The following MAML2 variants were observed in gnomAD, a reference collection of about 807,000 sequenced individuals.
The protein encoded by MAML2 is mastermind-like protein 2.
Under a neutral mutation model 96.1 loss-of-function variants are expected in MAML2, and 22 were observed. The ratio of observed to expected loss-of-function variants is 0.23; its 90% CI spans 0.16 to 0.33. The LOEUF (loss-of-function observed/expected upper bound fraction) is 0.33. Ranked by LOEUF, MAML2 falls within the 10% of genes least tolerant of loss-of-function variation. The pLI is 1.00. For synonymous variants in MAML2, 561 were observed against 521.3 expected (o/e 1.08, Z -1.04); for missense variants, 1,367 against 1,392.4 (o/e 0.98, Z 0.29).
At chr11:96,027,892 C>T (rs543171388) in intron 2 of MAML2, among the ~76,000 whole-genome samples, 3 of 152,028 alleles carry the variant, frequency 2.0e-5, no homozygotes, top group East Asian at 1.9e-4. Context: ...TTACTGTGCC[C>T]GGCTCATTTT....
intron 1 of MAML2, among the ~76,000 whole-genome samples, chr11:96,295,260 A>T (rs371370745): frequency 7.2e-5 from 11 of 152,128 alleles, no homozygotes; most frequent in African/African-American, 2.4e-4. Flanking sequence ...AAGAGTAATT[A>T]AAAAAAACCA....
intron 1 of MAML2, among the ~76,000 whole-genome samples, chr11:96,222,440 C>T (rs1331155476): frequency 5.3e-5 from 8 of 152,134 alleles, no homozygotes; most frequent in African/African-American, 1.9e-4. Flanking sequence ...TCTTTTGAGG[C>T]TGGATTGTGA....
chr11:96,342,625 A>C lies in MAML2; in HGVS notation c.-730T>G. On this transcript the variant is annotated 5_prime_UTR_variant, in exon 1 of 5. Transcript: ENST00000524717. ...GTAGGATGTTGTCTTCTCCCAAAAG[A>C]GGGAGACAGCTTTTCAACTGTTAAC... is the stretch of plus-strand genomic sequence containing the variant. 1 of 390,010 alleles carries C rather than the reference A, an allele frequency of 2.6e-6. No individual in the cohort carries two copies. The highest frequency in any genetic ancestry group is 4.5e-6 in the Non-Finnish European group (1 of 221,198). The allele number at this position is 390,010 out of a possible 1,614,324, so 24.2% of individuals were successfully genotyped here. A position where few individuals can be genotyped will look rare whatever the true frequency, so the allele number is the denominator to read the frequency against.
At chr11:96,149,464 G>A (rs1255964413) in intron 1 of MAML2, among the ~76,000 whole-genome samples, 2 of 149,232 alleles carry the variant, frequency 1.3e-5, no homozygotes, top group African/African-American at 5.0e-5. Flanking sequence ...AGGCGCAGTG[G>A]CTCATGCCTG....
chr11:96,105,818 TG>T, intron 1 of MAML2, among the ~76,000 whole-genome samples: 1 of 151,948 alleles, frequency 6.6e-6, no homozygotes, highest in Non-Finnish European at 1.5e-5. Flanking sequence ...AAGGGGAAAT[TG>T]CCTAACTAGC....
chr11:96,296,458 A>G (rs1863301515), intron 1 of MAML2, among the ~76,000 whole-genome samples: 1 of 152,166 alleles, frequency 6.6e-6, no homozygotes, highest in African/African-American at 2.4e-5. Flanking sequence ...CCTGACCAAC[A>G]TGGTGAAACT....
intron 1 of MAML2, among the ~76,000 whole-genome samples, chr11:96,298,900 C>T (rs1863340140): frequency 6.8e-6 from 1 of 146,722 alleles, no homozygotes; most frequent in Non-Finnish European, 1.5e-5. Flanking sequence ...AAAAAATTAG[C>T]TGAGCGTGGT....
intron 2 of MAML2, among the ~76,000 whole-genome samples, chr11:96,070,203 T>C (rs190594888): frequency 6.6e-6 from 1 of 151,992 alleles, no homozygotes; most frequent in African/African-American, 2.4e-5. Context: ...GGCAGGAGAA[T>C]GGCGTGAACC....
At position 96,184,439 on chromosome 11, in the gene MAML2, C is replaced by CAAATAAAT. The variant is rs139760069; in HGVS notation, c.514-90930_514-90923dup. Among the ~76,000 whole-genome samples, 133 of 145,276 alleles carry CAAATAAAT rather than the reference C, an allele frequency of 9.2e-4. 1 individual carries two copies. The highest frequency in any genetic ancestry group is 8.9e-3 in the East Asian group (44 of 4,926). ...TGGGTGACAGAGCGAGACTCCATCT[C>CAAATAAAT]AAATAAATAAATAAATAAATAAATA... On this transcript the variant is annotated intron_variant, in intron 1 of 4. Transcript: ENST00000524717.
chr11:96,239,841 C>A (rs1862409495), intron 1 of MAML2, among the ~76,000 whole-genome samples: 2 of 152,196 alleles, frequency 1.3e-5, no homozygotes, highest in Admixed American at 1.3e-4. Context: ...CCCCCTGACC[C>A]CTTTCTCCCA....
chr11:96,173,703 A>G (rs1861338218), intron 1 of MAML2, among the ~76,000 whole-genome samples: 1 of 152,230 alleles, frequency 6.6e-6, no homozygotes, highest in Non-Finnish European at 1.5e-5. Context: ...GCGATGGCAG[A>G]GGCCACAGGG....
chr11:95,981,423 T>C (rs1857734858), intron 4 of MAML2, among the ~76,000 whole-genome samples: 1 of 152,182 alleles, frequency 6.6e-6, no homozygotes, highest in African/African-American at 2.4e-5. Context: ...AGTCAGAGAT[T>C]CTGAGAAATA....
chr11:96,216,714 C>G (rs534443424), intron 1 of MAML2, among the ~76,000 whole-genome samples: 1 of 152,126 alleles, frequency 6.6e-6, no homozygotes, highest in Non-Finnish European at 1.5e-5. Context: ...AGGAAGCGTG[C>G]AGCCCATTGA....
At chr11:96,084,160 G>A (rs80060908) in intron 2 of MAML2, among the ~76,000 whole-genome samples, 3,676 of 152,194 alleles carry the variant, frequency 0.024, 153 homozygotes, top group African/African-American at 0.084. Context: ...GGGTGAATGG[G>A]TAGGAGTCAA....
At chr11:96,086,632 A>G (rs932543069) in intron 2 of MAML2, among the ~76,000 whole-genome samples, 1 of 152,204 alleles carries the variant, frequency 6.6e-6, no homozygotes, top group Non-Finnish European at 1.5e-5. Context: ...CACTTCCATT[A>G]CTGCACCACA....
chr11:96,186,217 A>T (rs1416833919), intron 1 of MAML2, among the ~76,000 whole-genome samples: 2 of 152,230 alleles, frequency 1.3e-5, no homozygotes, highest in African/African-American at 4.8e-5. Flanking sequence ...GCTTTTACAA[A>T]TTGCCTATCA....
At chr11:96,118,180 G>A (rs1591023449) in intron 1 of MAML2, among the ~76,000 whole-genome samples, 1 of 152,192 alleles carries the variant, frequency 6.6e-6, no homozygotes, top group Admixed American at 6.5e-5. Context: ...AGGAGAGCAT[G>A]CTAAACTACA....
intron 1 of MAML2, among the ~76,000 whole-genome samples, chr11:96,234,347 G>A (rs920447815): frequency 6.6e-6 from 1 of 152,156 alleles, no homozygotes; most frequent in African/African-American, 2.4e-5. Context: ...CAGGTGTGGT[G>A]GCACATGCCT....
chr11:96,172,893 T>C (rs980189965), intron 1 of MAML2, among the ~76,000 whole-genome samples: 6 of 152,220 alleles, frequency 3.9e-5, no homozygotes, highest in Admixed American at 3.9e-4. Context: ...CTCTTTCATA[T>C]GTTTTCCAGC....
Sources: gnomAD v4.1 joint callset for allele counts (sites outside exome capture counted in the v4.1 genomes callset) on GRCh38, gnomAD v4.1.1 for gene constraint, MANE v1.5 for transcripts, NCBI Gene and HGNC (gene_info 2026-07-23, HGNC 2026-07-21) for gene names.